The following BTBD9 variants were observed in gnomAD, a reference collection of about 807,000 sequenced individuals.
The protein encoded by BTBD9 is BTB/POZ domain-containing protein 9.
A neutral mutation model predicts 64.3 loss-of-function variants in BTBD9; 49 were observed. The ratio of observed to expected loss-of-function variants is 0.76; its 90% CI spans 0.61 to 0.97. BTBD9 has a LOEUF of 0.97. Among genes scored for constraint, BTBD9 ranks in the 50% least tolerant of loss-of-function variants. BTBD9 has a pLI of 0.00. For synonymous variants in BTBD9, 260 were observed against 274.7 expected (o/e 0.95, Z 0.53); for missense variants, 598 against 762.1 (o/e 0.78, Z 2.53).
In BTBD9 at chr6:38,598,003, A is replaced by G. The variant is rs2127497398; in HGVS notation, c.92T>C (p.Ile31Thr). Residue 31 changes from isoleucine (I) to threonine (T), a missense_variant, in exon 2 of 11, where the codon ATT becomes ACT. Transcript: ENST00000481247. ...ILSEHIGALL[I>T]GEEYGDVTFV... ...TGTGACGTCGCCATATTCTTCCCCA[A>G]TCAACAAGGCACCAATATGTTCAGA... 4 of 1,614,026 alleles carry G rather than the reference A, an allele frequency of 2.5e-6. No homozygotes were observed. In the African/African-American group the frequency reaches 4.0e-5, roughly 16 times the overall value.
At chr6:38,493,791 A>C (rs1029996753) in intron 6 of BTBD9, among the ~76,000 whole-genome samples, 1 of 152,222 alleles carries the variant, frequency 6.6e-6, no homozygotes, top group South Asian at 2.1e-4. Flanking sequence ...AAAACTCTAC[A>C]GTCTCATCAT....
chr6:38,268,583 A>C (rs1320745321), intron 8 of BTBD9, among the ~76,000 whole-genome samples: 1 of 152,020 alleles, frequency 6.6e-6, no homozygotes, highest in Non-Finnish European at 1.5e-5. Context: ...TTCTTACCAA[A>C]TCTCTTCTCT....
At chr6:38,319,614 A>C (rs1014604942) in intron 7 of BTBD9, among the ~76,000 whole-genome samples, 2 of 152,058 alleles carry the variant, frequency 1.3e-5, no homozygotes, top group Non-Finnish European at 2.9e-5. Context: ...TGGAGGCCTC[A>C]GGACTCTGCC....
chr6:38,547,632 G>A (rs989950308), intron 6 of BTBD9, among the ~76,000 whole-genome samples: 5 of 151,916 alleles, frequency 3.3e-5, no homozygotes, highest in Admixed American at 2.0e-4. Flanking sequence ...GTCTCTGTAC[G>A]TGCTGTTCCT....
intron 10 of BTBD9, among the ~76,000 whole-genome samples, chr6:38,176,819 C>G (rs1290623288): frequency 6.6e-6 from 1 of 152,178 alleles, no homozygotes; most frequent in Non-Finnish European, 1.5e-5. Context: ...ACAACACCGC[C>G]CTGGGCATGT....
At chr6:38,287,117 CA>C (rs1761767237) in intron 8 of BTBD9, among the ~76,000 whole-genome samples, 1 of 137,538 alleles carries the variant, frequency 7.3e-6, no homozygotes, top group Non-Finnish European at 1.5e-5. Context: ...TATACACACA[CA>C]CACACACACA....
At chr6:38,538,410 T>C (rs1774118416) in intron 6 of BTBD9, among the ~76,000 whole-genome samples, 1 of 152,154 alleles carries the variant, frequency 6.6e-6, no homozygotes, top group African/African-American at 2.4e-5. Context: ...GGAGAAATGA[T>C]AAAGTATTCA....
chr6:38,212,193 G>A (rs1561879500), intron 9 of BTBD9, among the ~76,000 whole-genome samples: 3 of 152,170 alleles, frequency 2.0e-5, no homozygotes, highest in Admixed American at 1.3e-4. Context: ...TCTGAGCAGG[G>A]GCTCTCCACC....
rs775419035 is a variant in BTBD9, at chr6:38,256,396, A to C, written c.1562+13T>G. Reference sequence around the variant, plus strand: ...TTTCAATAGGAATAAATTCCTGAAAAGACACAACTTACTTGCAGGAGACTT... The same window carrying C: ...TTTCAATAGGAATAAATTCCTGAAACGACACAACTTACTTGCAGGAGACTT... On this transcript the variant is annotated intron_variant, in intron 9 of 10. Transcript: ENST00000481247. The C allele has an allele frequency of 3.1e-6, 5 of 1,589,154 alleles. No homozygotes were observed. The highest frequency in any genetic ancestry group is 4.3e-6 in the Non-Finnish European group (5 of 1,157,692).
chr6:38,367,154 C>A (rs1426316059), intron 6 of BTBD9, among the ~76,000 whole-genome samples: 2 of 152,192 alleles, frequency 1.3e-5, no homozygotes, highest in Non-Finnish European at 2.9e-5. Flanking sequence ...GCTGATCCTG[C>A]TTTCCCCTTC....
At chr6:38,474,700 T>A (rs909642231) in intron 6 of BTBD9, among the ~76,000 whole-genome samples, 7 of 152,200 alleles carry the variant, frequency 4.6e-5, no homozygotes, top group Non-Finnish European at 7.3e-5. Flanking sequence ...GCTCTTTTTT[T>A]AATAGTATTT....
intron 6 of BTBD9, among the ~76,000 whole-genome samples, chr6:38,388,830 T>G (rs1186089146): frequency 6.6e-6 from 1 of 152,222 alleles, no homozygotes; most frequent in African/African-American, 2.4e-5. Context: ...TTCTGAAATA[T>G]TAAAGTGTCA....
rs527469373 is a variant in BTBD9, at chr6:38,597,396, A to G, written c.185+514T>C. 6.6e-5 allele frequency among the ~76,000 whole-genome samples: 10 copies of G among 152,340 alleles called. No individual in the cohort carries two copies. In the South Asian group the frequency reaches 1.9e-3, roughly 28 times the overall value. Reference sequence around the variant, plus strand: ...TTTTGACAAATATTAGGTAAAATGTAGAGTAGTTAAAGATCAGCTTAAGAT... The same window carrying G: ...TTTTGACAAATATTAGGTAAAATGTGGAGTAGTTAAAGATCAGCTTAAGAT... On this transcript the variant is annotated intron_variant, in intron 2 of 10. Transcript: ENST00000481247.
At chr6:38,619,165 T>C (rs1229609434) in intron 1 of BTBD9, among the ~76,000 whole-genome samples, 2 of 152,168 alleles carry the variant, frequency 1.3e-5, no homozygotes, top group Non-Finnish European at 2.9e-5. Context: ...CAAGGATCAA[T>C]TGATCCTAAA....
chr6:38,310,143 G>C (rs1401761458), intron 7 of BTBD9, among the ~76,000 whole-genome samples: 4 of 152,180 alleles, frequency 2.6e-5, no homozygotes, highest in Non-Finnish European at 1.5e-5. Flanking sequence ...ACACCAGGGG[G>C]AAAAGTGAGT....
chr6:38,585,182 C>G (rs1031974068), intron 4 of BTBD9, among the ~76,000 whole-genome samples: 2 of 152,180 alleles, frequency 1.3e-5, no homozygotes, highest in Non-Finnish European at 2.9e-5. Context: ...GAGGAATACT[C>G]ATTAGAGATG....
At chr6:38,228,738 G>C (rs1323736912) in intron 9 of BTBD9, among the ~76,000 whole-genome samples, 3 of 151,828 alleles carry the variant, frequency 2.0e-5, no homozygotes, top group African/African-American at 7.3e-5. Context: ...GCCAGGCGTG[G>C]TGGCATGCGC....
At chr6:38,313,662 T>TA (rs1229846685) in intron 7 of BTBD9, among the ~76,000 whole-genome samples, 20 of 152,294 alleles carry the variant, frequency 1.3e-4, no homozygotes, top group African/African-American at 4.6e-4. Flanking sequence ...TTATTATTGA[T>TA]ATGATATATC....
chr6:38,264,617 G>A (rs944426707), intron 8 of BTBD9, among the ~76,000 whole-genome samples: 3 of 152,180 alleles, frequency 2.0e-5, no homozygotes, highest in East Asian at 3.9e-4. Context: ...CAACTCTGCC[G>A]GTGAGAAAGA....
Sources: allele counts gnomAD v4.1 joint callset (sites outside exome capture counted in the v4.1 genomes callset), GRCh38; gene constraint gnomAD v4.1.1; transcripts MANE v1.5; gene names NCBI Gene and HGNC (gene_info 2026-07-23, HGNC 2026-07-21).